GLYATL1: variants seen among roughly 807,000 people sequenced by gnomAD.
The protein encoded by GLYATL1 is glycine-N-acyltransferase like 1.
Under a neutral mutation model 20.0 loss-of-function variants are expected in GLYATL1, and 15 were observed. The ratio of observed to expected loss-of-function variants is 0.75; its 90% CI spans 0.50 to 1.15. GLYATL1 has a LOEUF of 1.15. Among genes scored for constraint, GLYATL1 ranks in the 50% most tolerant of loss-of-function variants. GLYATL1 has a pLI of 0.00. For synonymous variants in GLYATL1, 151 were observed against 131.5 expected, an observed-to-expected ratio of 1.15 and a Z score of -1.01; for missense variants, 380 against 368.5, an observed-to-expected ratio of 1.03 and a Z score of -0.26.
chr11:58,927,034 T>C (rs921747746), upstream of GLYATL1, among the ~76,000 whole-genome samples: 1 of 152,218 alleles, frequency 6.6e-6, no homozygotes, highest in East Asian at 1.9e-4. Flanking sequence ...TACATATAAC[T>C]CTTCTTCACC....
chr11:58,933,043 A>G (rs1855671692), intron 1 of GLYATL1, among the ~76,000 whole-genome samples: 2 of 152,190 alleles, frequency 1.3e-5, no homozygotes, highest in South Asian at 4.1e-4. Flanking sequence ...TAAAGGAAGA[A>G]CCTGAGAAGT....
chr11:58,921,670 C>G lies in GLYATL1; in HGVS notation n.264+16009C>G, dbSNP rs76095702. On this transcript the variant is annotated intron_variant and non_coding_transcript_variant, in intron 1 of 2. Transcript: ENST00000534674. ...CTCTTCCATGACCGCATCCATGACC[C>G]CTTGCAAAGCCAGCTTCTCTTCCTG... Among the ~76,000 whole-genome samples the G allele has an allele frequency of 5.3e-3, 812 of 152,276 alleles. 9 individuals are homozygous for G. The highest frequency in any genetic ancestry group is 0.019 in the African/African-American group (781 of 41,538).
intron 1 of GLYATL1, chr11:58,942,599 G>C (rs186831961): frequency 3.3e-5 from 5 of 152,332 alleles, no homozygotes; most frequent in Admixed American, 3.3e-4. Context: ...AGTAGGCTGG[G>C]TGGAGAGGGT....
intron 1 of GLYATL1, among the ~76,000 whole-genome samples, chr11:58,932,602 G>A (rs183253438): frequency 6.0e-4 from 91 of 152,324 alleles, no homozygotes; most frequent in Admixed American, 5.7e-3. Flanking sequence ...ATGTGCATAA[G>A]CAGTTGATTC....
Position 58,955,293 on chromosome 11 carries a change from C to G in GLYATL1, c.431C>G (p.Ser144Cys), listed in dbSNP as rs141518181. The stretch of plus-strand genomic sequence containing the variant: ...GAAGATATTCTGAAGCTCAATGCCT[C>G]CAGTAAAAGCAAGCTTGGAAGCTGG... ...VTEDILKLNASSKSKLGSWAE... is the reference protein window; with the variant it reads ...VTEDILKLNACSKSKLGSWAE... Residue 144 changes from serine to cysteine, a missense_variant, in exon 6 of 7, where the codon TCC (serine) becomes TGC (cysteine). Coordinates refer to ENST00000532726, the MANE Select transcript of GLYATL1 (RefSeq NM_001389712.2). 82 of 1,613,988 alleles carry G rather than the reference C, an allele frequency of 5.1e-5. No individual in the cohort carries two copies. Among genetic ancestry groups the G allele is most frequent in the Non-Finnish European group, 6.4e-5 (75 of 1,179,990 alleles).
chr11:58,947,988 G>A, intron 4 of GLYATL1, 23 bp downstream of exon 4: 1 of 1,537,900 alleles, frequency 6.5e-7, no homozygotes, highest in Non-Finnish European at 9.0e-7. Context: ...ACAGGGACTG[G>A]TGGAGCCAGG....
At chr11:58,927,205 T>C (rs1855447042), upstream of GLYATL1, among the ~76,000 whole-genome samples, 1 of 152,272 alleles carries the variant, frequency 6.6e-6, no homozygotes, top group East Asian at 1.9e-4. Context: ...CAGAGGCTAC[T>C]GTTTTACTTA....
intron 1 of GLYATL1, chr11:58,934,271 T>C (rs1479829359): frequency 1.3e-5 from 2 of 152,158 alleles, no homozygotes; most frequent in Non-Finnish European, 2.9e-5. Context: ...ACTTTGTCCA[T>C]GATGGCCAGC....
At chr11:58,941,046 T>A (rs575601544) in intron 1 of GLYATL1, among the ~76,000 whole-genome samples, 2 of 151,860 alleles carry the variant, frequency 1.3e-5, no homozygotes, top group East Asian at 1.9e-4. Context: ...TAATTTTTTT[T>A]ATTATTATTA....
chr11:58,937,183 C>T (rs1855874201), upstream of GLYATL1, among the ~76,000 whole-genome samples: 1 of 152,200 alleles, frequency 6.6e-6, no homozygotes, highest in Non-Finnish European at 1.5e-5. Context: ...GCAGCCACAT[C>T]TAAAGCCACC....
upstream of GLYATL1, among the ~76,000 whole-genome samples, chr11:58,926,930 G>T (rs1002584160): frequency 3.3e-5 from 5 of 152,218 alleles, no homozygotes; most frequent in Non-Finnish European, 7.3e-5. Context: ...ACTAACTGGG[G>T]AACTTAATTT....
upstream of GLYATL1, among the ~76,000 whole-genome samples, chr11:58,936,884 A>C (rs1855859721): frequency 6.6e-6 from 1 of 152,180 alleles, no homozygotes; most frequent in South Asian, 2.1e-4. Context: ...CTGAAACCTC[A>C]TCACCAACCC....
chr11:58,921,565 C>T (rs1855309481), intron 1 of GLYATL1, among the ~76,000 whole-genome samples: 1 of 152,196 alleles, frequency 6.6e-6, no homozygotes, highest in South Asian at 2.1e-4. Flanking sequence ...ATTCATCCTT[C>T]CAGTGTCTTT....
At chr11:58,932,169 GA>G (rs1230675538) in intron 1 of GLYATL1, among the ~76,000 whole-genome samples, 1 of 142,154 alleles carries the variant, frequency 7.0e-6, no homozygotes, top group Non-Finnish European at 1.5e-5. Flanking sequence ...CATGAAAAAG[GA>G]AAAAGGGTTC....
intron 1 of GLYATL1, among the ~76,000 whole-genome samples, chr11:58,941,228 C>T (rs1298822390): frequency 2.4e-5 from 3 of 123,116 alleles, no homozygotes; most frequent in Non-Finnish European, 4.8e-5. Flanking sequence ...GTGTGATGTT[C>T]CCCTTCCTGT....
intron 1 of GLYATL1, chr11:58,907,185 G>C (rs1854914836): frequency 2.2e-6 from 1 of 453,318 alleles, no homozygotes; most frequent in African/African-American, 2.0e-5. Context: ...GAATACTTTA[G>C]GGGAAACCTC....
upstream of GLYATL1, among the ~76,000 whole-genome samples, chr11:58,935,866 C>T (rs1227472652): frequency 6.6e-6 from 1 of 152,064 alleles, no homozygotes; most frequent in African/African-American, 2.4e-5. Flanking sequence ...TATGTATTCA[C>T]CTCTATATTC....
chr11:58,932,318 T>C (rs1031908477), intron 1 of GLYATL1, among the ~76,000 whole-genome samples: 2 of 152,118 alleles, frequency 1.3e-5, no homozygotes, highest in African/African-American at 2.4e-5. Context: ...ATGAGAACTC[T>C]CATTTCTCAC....
upstream of GLYATL1, among the ~76,000 whole-genome samples, chr11:58,937,538 T>C (rs771355539): frequency 2.6e-5 from 4 of 152,206 alleles, no homozygotes; most frequent in African/African-American, 4.8e-5. Flanking sequence ...TGTACAAGCA[T>C]CTAGTCACTG....
Sources: allele counts gnomAD v4.1 joint callset (sites outside exome capture counted in the v4.1 genomes callset), GRCh38; gene constraint gnomAD v4.1.1; transcripts MANE v1.5; gene names NCBI Gene and HGNC (gene_info 2026-07-23, HGNC 2026-07-21).